The following MMP26 variants were observed in gnomAD, a reference collection of about 807,000 sequenced individuals.
MMP26 encodes matrix metallopeptidase 26, also known as matrix metalloproteinase-26.
A neutral mutation model predicts 31.0 loss-of-function variants in MMP26; 33 were observed. The observed-to-expected ratio is 1.06, with a 90% CI of 0.81 to 1.42. The LOEUF is 1.42. Ranked by LOEUF, MMP26 falls within the 40% of genes most tolerant of loss-of-function variation. The pLI is 0.00. For synonymous variants in MMP26, 122 were observed against 114.9 expected (o/e 1.06, Z -0.40); for missense variants, 347 against 316.1 (o/e 1.10, Z -0.74).
intron 2 of MMP26, chr11:4,944,437 G>T (rs11034814): frequency 0.15 from 23,960 of 160,698 alleles, 1,906 homozygotes; most frequent in South Asian, 0.17. Context: ...TGCCTAAAAA[G>T]ACCTGGAAGC....
chr11:4,788,438 G>C (rs956963250), intron 2 of MMP26, among the ~76,000 whole-genome samples: 12 of 151,924 alleles, frequency 7.9e-5, no homozygotes, highest in African/African-American at 2.9e-4. Flanking sequence ...CAAGGAAAAT[G>C]GCTTCTAAGA....
intron 1 of MMP26, among the ~76,000 whole-genome samples, chr11:4,758,831 G>T (rs959582021): frequency 2.0e-5 from 3 of 151,896 alleles, no homozygotes; most frequent in East Asian, 1.9e-4. Context: ...CAAAAAATTG[G>T]CTGGGCATGA....
intron 2 of MMP26, chr11:4,907,741 T>G: frequency 6.2e-7 from 1 of 1,614,036 alleles, no homozygotes; most frequent in South Asian, 1.1e-5. Context: ...ACCGCTTTCT[T>G]GCCATTCACA....
chr11:4,732,879 T>G (rs186863376), intron 1 of MMP26, among the ~76,000 whole-genome samples: 185 of 152,348 alleles, frequency 1.2e-3, no homozygotes, highest in African/African-American at 4.3e-3. Context: ...GGTGGAAATT[T>G]GGGCGGCAGC....
In MMP26 at chr11:4,772,263, T is replaced by C. The variant is rs1252059286; in HGVS notation, c.-145+4922T>C. Among the ~76,000 whole-genome samples the C allele has an allele frequency of 3.3e-5, 5 of 152,166 alleles. No individual in the cohort carries two copies. The South Asian group carries it at 8.3e-4, about 25-fold the overall frequency. On this transcript the variant is annotated intron_variant, in intron 2 of 7. Coordinates refer to ENST00000380390, the MANE Select transcript of MMP26 (RefSeq NM_021801.5). ...AGGAAAATAAACCAAATTATGCATA[T>C]AAATAGAAAATTTACACACTGTTCA...
chr11:4,760,517 A>G (rs1211587713), intron 1 of MMP26, among the ~76,000 whole-genome samples: 4 of 152,212 alleles, frequency 2.6e-5, no homozygotes, highest in African/African-American at 9.7e-5. Context: ...GAGGATGGAT[A>G]TAATCTCACA....
chr11:4,769,821 A>C (rs1848691224), intron 2 of MMP26: 3 of 1,612,898 alleles, frequency 1.9e-6, no homozygotes, highest in Non-Finnish European at 2.5e-6. Flanking sequence ...AAACAACAGA[A>C]AGGAATGGAG....
intron 2 of MMP26, among the ~76,000 whole-genome samples, chr11:4,968,077 G>A (rs1846619892): frequency 1.3e-5 from 2 of 152,136 alleles, no homozygotes; most frequent in East Asian, 1.9e-4. Context: ...AATCCATTCA[G>A]TTCTAAAGAT....
chr11:4,785,969 G>C (rs34238074), intron 2 of MMP26, among the ~76,000 whole-genome samples: 14,443 of 152,224 alleles, frequency 0.095, 860 homozygotes, highest in Middle Eastern at 0.15. Context: ...ATGACAATCT[G>C]TTGCCCACTT....
chr11:4,988,496 T>G (rs953543053), intron 3 of MMP26, among the ~76,000 whole-genome samples, 186 bp downstream of exon 3: 5 of 152,170 alleles, frequency 3.3e-5, no homozygotes, highest in African/African-American at 1.2e-4. Flanking sequence ...AATTAATTTT[T>G]TGTAGCCCCT....
intron 2 of MMP26, among the ~76,000 whole-genome samples, chr11:4,812,338 GACATGTGAA>G (rs1849361370): frequency 1.3e-5 from 2 of 152,104 alleles, no homozygotes; most frequent in African/African-American, 4.8e-5. Flanking sequence ...TAAAGAGATA[GACATGTGAA>G]ACTGAAGAAA....
At chr11:4,706,577 C>CAAA (rs71050423) in intron 1 of MMP26, among the ~76,000 whole-genome samples, 98 of 87,430 alleles carry the variant, frequency 1.1e-3, no homozygotes, top group East Asian at 1.6e-3. Flanking sequence ...GACCCTATCT[C>CAAA]AAAAAAAAAA....
At chr11:4,725,503 T>G (rs1029647536) in intron 1 of MMP26, among the ~76,000 whole-genome samples, 2 of 152,232 alleles carry the variant, frequency 1.3e-5, no homozygotes, top group African/African-American at 4.8e-5. Flanking sequence ...GAGCCTTGTT[T>G]GTTGAGAATT....
chr11:4,902,683 G>T (rs941240443), intron 2 of MMP26, among the ~76,000 whole-genome samples: 3 of 152,024 alleles, frequency 2.0e-5, no homozygotes, highest in African/African-American at 7.2e-5. Flanking sequence ...TAATAAGGTG[G>T]GTATCAAATG....
intron 1 of MMP26, among the ~76,000 whole-genome samples, chr11:4,765,424 T>C (rs996611494): frequency 1.7e-4 from 26 of 152,218 alleles, no homozygotes; most frequent in Admixed American, 1.4e-3. Flanking sequence ...CAGGTCCTGC[T>C]CCTCTATTCT....
At chr11:4,828,565 C>T (rs1849607658) in intron 2 of MMP26, among the ~76,000 whole-genome samples, 3 of 152,034 alleles carry the variant, frequency 2.0e-5, no homozygotes, top group Non-Finnish European at 4.4e-5. Context: ...TTTTAGAAAG[C>T]GGGGGGAGAT....
At chr11:4,930,491 G>A (rs1851331914) in intron 2 of MMP26, among the ~76,000 whole-genome samples, 1 of 151,998 alleles carries the variant, frequency 6.6e-6, no homozygotes, top group South Asian at 2.1e-4. Flanking sequence ...GCTCCCATTT[G>A]GGCTGGCAGA....
At chr11:4,795,532 C>G (rs987017029) in intron 2 of MMP26, among the ~76,000 whole-genome samples, 2 of 152,146 alleles carry the variant, frequency 1.3e-5, no homozygotes, top group Non-Finnish European at 2.9e-5. Flanking sequence ...CAAAATTGGG[C>G]TACATCCAGT....
At chr11:4,991,645 G>A (rs1847005039) in intron 6 of MMP26, 149 bp downstream of exon 6, 1 of 1,008,866 alleles carries the variant, frequency 9.9e-7, no homozygotes, top group African/African-American at 1.6e-5. Flanking sequence ...AGGAGATGTG[G>A]GATCATTTCT....
Sources: gnomAD v4.1 joint callset for allele counts (sites outside exome capture counted in the v4.1 genomes callset) on GRCh38, gnomAD v4.1.1 for gene constraint, MANE v1.5 for transcripts, NCBI Gene and HGNC (gene_info 2026-07-23, HGNC 2026-07-21) for gene names.